The following KCNQ1 variants were observed in gnomAD, a reference collection of about 807,000 sequenced individuals.
KCNQ1 encodes the protein potassium voltage-gated channel subfamily Q member 1, also known as potassium voltage-gated channel subfamily KQT member 1.
KCNQ1 carries 49 observed loss-of-function variants against 72.4 expected under a neutral mutation model. That is an observed-to-expected ratio of 0.68 (90% CI 0.54 to 0.86). KCNQ1 has a LOEUF of 0.86. KCNQ1 is among the 40% of genes least tolerant of loss of function. KCNQ1 has a pLI of 0.00. For missense variants in KCNQ1, 790 were observed against 945.1 expected (o/e 0.84, Z 2.15); for synonymous variants, 450 against 412.6 (o/e 1.09, Z -1.10).
At position 2,446,261 on chromosome 11, in the gene KCNQ1, G is replaced by A. The variant is rs1447313600; in HGVS notation, c.386+777G>A. 6.6e-6 allele frequency among the ~76,000 whole-genome samples: 1 copy of A among 152,180 alleles called. No homozygotes were observed. Among genetic ancestry groups the A allele is most frequent in the African/African-American group, 2.4e-5 (1 of 41,460 alleles). Reference sequence around the variant, plus strand: ...GGCCTGGGAAGTCACCTCCGGGAAGGTCCAGGCTGCTCTCCTCCATGCCTG... The same window carrying A: ...GGCCTGGGAAGTCACCTCCGGGAAGATCCAGGCTGCTCTCCTCCATGCCTG... On this transcript the variant is annotated intron_variant, in intron 1 of 15. Coordinates refer to ENST00000155840, the MANE Select transcript of KCNQ1 (RefSeq NM_000218.3). The surrounding 1 kb of genome is among the most constrained non-coding windows in gnomAD (Gnocchi z 8.8).
At chr11:2,666,485 G>A (rs183573510) in intron 11 of KCNQ1, 16 of 398,636 alleles carry the variant, frequency 4.0e-5, no homozygotes, top group Admixed American at 1.3e-4. Flanking sequence ...CAAGACATTC[G>A]AGTTGCTCTT....
intron 12 of KCNQ1, among the ~76,000 whole-genome samples, chr11:2,775,063 C>G (rs1269622967): frequency 1.3e-5 from 2 of 152,232 alleles, no homozygotes; most frequent in Non-Finnish European, 1.5e-5. Context: ...GGGCCTCACC[C>G]GGTCACCCAG....
intron 1 of KCNQ1, among the ~76,000 whole-genome samples, chr11:2,470,704 T>TGGG (rs113753362): frequency 1.2e-3 from 108 of 89,508 alleles, no homozygotes; most frequent in Middle Eastern, 5.6e-3. Context: ...CTCAGTTAGG[T>TGGG]GGGGGGGGGG....
At position 2,663,722 on chromosome 11, in the gene KCNQ1, C is replaced by T. The variant is rs1011151975; in HGVS notation, c.1514+1641C>T. ...ACCAACTCTTGGGTCTTGCAAGGCC[C>T]CTGCAGGTGAAGGTGGTGAGAGACC... is the stretch of plus-strand genomic sequence containing the variant. On this transcript the variant is annotated intron_variant, in intron 11 of 15. Coordinates refer to ENST00000155840, the MANE Select transcript of KCNQ1 (RefSeq NM_000218.3). This position sits in a 1 kb window ranked among gnomAD's most constrained non-coding sequence, Gnocchi z 5.2. 2 of 398,698 alleles carry T rather than the reference C, an allele frequency of 5.0e-6. No homozygotes were observed. The highest frequency in any genetic ancestry group is 8.8e-6 in the Non-Finnish European group (2 of 226,112). The allele number at this position is 398,698 out of a possible 1,614,324, so 24.7% of individuals were successfully genotyped here. A position where few individuals can be genotyped will look rare whatever the true frequency, so the allele number is the denominator to read the frequency against.
chr11:2,527,080 T>G (rs547452194), intron 1 of KCNQ1, among the ~76,000 whole-genome samples: 1 of 152,278 alleles, frequency 6.6e-6, no homozygotes, highest in African/African-American at 2.4e-5. Flanking sequence ...CTCCCTATCT[T>G]TATGGTTCCG....
At chr11:2,684,489 TCTC>T (rs1257455851) in intron 11 of KCNQ1, 2 of 398,534 alleles carry the variant, frequency 5.0e-6, no homozygotes, top group African/African-American at 4.1e-5. Context: ...CTGGCTGAGT[TCTC>T]CTTCTATTCC....
At chr11:2,616,841 G>A (rs1849073489) in intron 10 of KCNQ1, 1 of 398,246 alleles carries the variant, frequency 2.5e-6, no homozygotes. Flanking sequence ...ATGTGCACTT[G>A]AGAAGAATGT....
intron 1 of KCNQ1, among the ~76,000 whole-genome samples, chr11:2,514,518 A>AT (rs1847257497): frequency 1.3e-5 from 2 of 152,194 alleles, no homozygotes; most frequent in African/African-American, 4.8e-5. Context: ...AGACCAAGCT[A>AT]CAGCAAGAAA....
intron 11 of KCNQ1, among the ~76,000 whole-genome samples, chr11:2,706,181 G>A (rs1003786303): frequency 2.0e-5 from 3 of 152,208 alleles, no homozygotes; most frequent in African/African-American, 7.2e-5. Flanking sequence ...AGTTTTGGCT[G>A]GACTGTGATT....
chr11:2,712,699 A>T lies in KCNQ1; in HGVS notation c.1514+50618A>T, dbSNP rs1590047314. On this transcript the variant is annotated intron_variant, in intron 11 of 15. Coordinates refer to ENST00000155840, the MANE Select transcript of KCNQ1 (RefSeq NM_000218.3). The surrounding 1 kb of genome is among the most constrained non-coding windows in gnomAD (Gnocchi z 6.4). Reference sequence around the variant, plus strand: ...AGGCCTACAGGAGAGCCCTGTGGACACTCCAGCCTCAGCCTTCCTTGCCAT... The same window carrying T: ...AGGCCTACAGGAGAGCCCTGTGGACTCTCCAGCCTCAGCCTTCCTTGCCAT... Among the ~76,000 whole-genome samples, 1 of 152,064 alleles carries T rather than the reference A, an allele frequency of 6.6e-6. No individual in the cohort carries two copies. Among genetic ancestry groups the T allele is most frequent in the African/African-American group, 2.4e-5 (1 of 41,384 alleles).
chr11:2,659,952 A>G lies in KCNQ1; in HGVS notation c.1394-2009A>G. On this transcript the variant is annotated intron_variant, in intron 10 of 15. Transcript: ENST00000155840. This position sits in a 1 kb window ranked among gnomAD's most constrained non-coding sequence, Gnocchi z 4.3. ...ATTCTGAGTGCAAGTCCTTGACCTGATAGGTGATATGCAAATATTCTTTCC... is the reference window on the plus strand; with the variant it reads ...ATTCTGAGTGCAAGTCCTTGACCTGGTAGGTGATATGCAAATATTCTTTCC... 1 of 398,428 alleles carries G rather than the reference A, an allele frequency of 2.5e-6. No homozygotes were observed. 24.7% of individuals were successfully genotyped at this position (398,428 alleles called of 1,614,324 possible).
chr11:2,798,126 TGCCCCCACTTGTG>T (rs1847175915), intron 15 of KCNQ1, among the ~76,000 whole-genome samples: 1 of 135,356 alleles, frequency 7.4e-6, no homozygotes, highest in Non-Finnish European at 1.6e-5. Context: ...CCACCCTCAG[TGCCCCCACTTGTG>T]GCCCAGGCCC....
chr11:2,481,696 T>A lies in KCNQ1; in HGVS notation c.386+36212T>A, dbSNP rs1452228133. On this transcript the variant is annotated intron_variant, in intron 1 of 15. Coordinates refer to ENST00000155840, the MANE Select transcript of KCNQ1 (RefSeq NM_000218.3). The surrounding 1 kb of genome is among the most constrained non-coding windows in gnomAD (Gnocchi z 4.6). ...TAGATTCTCACAGGGGTGTGTACCC[T>A]GTTGCAAACTATGCATGTGAGGGAT... is the stretch of plus-strand genomic sequence containing the variant. Among the ~76,000 whole-genome samples, 1 of 152,190 alleles carries A rather than the reference T, an allele frequency of 6.6e-6. No homozygotes were observed. Among genetic ancestry groups the A allele is most frequent in the Non-Finnish European group, 1.5e-5 (1 of 68,038 alleles).
In KCNQ1 at chr11:2,478,218, A is replaced by C. The variant is rs1846600900; in HGVS notation, c.386+32734A>C. 1.3e-5 allele frequency among the ~76,000 whole-genome samples: 2 copies of C among 152,204 alleles called. No individual in the cohort carries two copies. Among genetic ancestry groups the C allele is most frequent in the South Asian group, 4.1e-4 (2 of 4,828 alleles). On this transcript the variant is annotated intron_variant, in intron 1 of 15. Transcript: ENST00000155840. The surrounding 1 kb of genome is among the most constrained non-coding windows in gnomAD (Gnocchi z 4.0). ...CACACACAGTGGCCTGAATACTTTG[A>C]AAATGCCAGGGCCAAAAAACGTAGA...
chr11:2,795,912 C>G (rs117897431), intron 15 of KCNQ1, among the ~76,000 whole-genome samples: 2,264 of 152,254 alleles, frequency 0.015, 68 homozygotes, highest in East Asian at 0.085. Context: ...CAACCCCTTG[C>G]ACAGGGCTTG....
rs1002677892 is a variant in KCNQ1, at chr11:2,475,022, A to G, written c.386+29538A>G. Among the ~76,000 whole-genome samples, 2 of 152,170 alleles carry G rather than the reference A, an allele frequency of 1.3e-5. No individual in the cohort carries two copies. The highest frequency in any genetic ancestry group is 2.9e-5 in the Non-Finnish European group (2 of 68,040). On this transcript the variant is annotated intron_variant, in intron 1 of 15. Transcript: ENST00000155840. This position sits in a 1 kb window ranked among gnomAD's most constrained non-coding sequence, Gnocchi z 5.8. The stretch of plus-strand genomic sequence containing the variant: ...TGTGATAAAATACACGTAACGTAAA[A>G]TTGACCTTTTTAACCCATGTTTCAT...
At chr11:2,729,209 C>G (rs1845811347) in intron 11 of KCNQ1, among the ~76,000 whole-genome samples, 1 of 152,268 alleles carries the variant, frequency 6.6e-6, no homozygotes, top group African/African-American at 2.4e-5. Flanking sequence ...TCTGGCCTAG[C>G]TCTTTCTCCC....
chr11:2,839,854 A>G (rs1848166068), intron 15 of KCNQ1: 1 of 152,216 alleles, frequency 6.6e-6, no homozygotes, highest in Non-Finnish European at 1.5e-5. Context: ...CCCCGACTGG[A>G]TGCCAGAACG....
chr11:2,664,591 C>T lies in KCNQ1; in HGVS notation c.1514+2510C>T, dbSNP rs552253543. On this transcript the variant is annotated intron_variant, in intron 11 of 15. Transcript: ENST00000155840. The surrounding 1 kb of genome is among the most constrained non-coding windows in gnomAD (Gnocchi z 5.1). ...TTCTGCCCGCATTGGGGCTGCATTCCTCCACCTCCTGCACAGCCCGCCCAG... is the reference window on the plus strand; with the variant it reads ...TTCTGCCCGCATTGGGGCTGCATTCTTCCACCTCCTGCACAGCCCGCCCAG... 1.3e-5 allele frequency: 5 copies of T among 398,542 alleles called. No individual in the cohort carries two copies. The highest frequency in any genetic ancestry group is 3.6e-5 in the East Asian group (1 of 28,064). 24.7% of individuals were successfully genotyped at this position (398,542 alleles called of 1,614,324 possible). A position where few individuals can be genotyped will look rare whatever the true frequency, so the allele number is the denominator to read the frequency against.
Sources: allele counts gnomAD v4.1 joint callset (sites outside exome capture counted in the v4.1 genomes callset), GRCh38; gene constraint gnomAD v4.1.1; non-coding constraint Gnocchi (gnomAD v3.1); transcripts MANE v1.5; gene names NCBI Gene and HGNC (gene_info 2026-07-23, HGNC 2026-07-21).